C2CD5: variants seen among roughly 807,000 people sequenced by gnomAD.
C2CD5 encodes the protein C2 calcium dependent domain containing 5.
In C2CD5, 109 loss-of-function variants were observed where a neutral mutation model predicts 130.3. That is an observed-to-expected ratio of 0.84 (90% CI 0.72 to 0.98). C2CD5 has a LOEUF of 0.98. Ranked by LOEUF, C2CD5 falls within the 50% of genes least tolerant of loss-of-function variation. C2CD5 has a pLI of 0.00. For missense variants in C2CD5, 996 were observed against 1,261.8 expected (o/e 0.79, Z 3.19); for synonymous variants, 454 against 429.2 (o/e 1.06, Z -0.71).
chr12:22,464,617 G>A (rs1941747242), intron 22 of C2CD5, among the ~76,000 whole-genome samples: 1 of 151,946 alleles, frequency 6.6e-6, no homozygotes, highest in African/African-American at 2.4e-5. Context: ...GTTAGTTTCT[G>A]TTTTTTGCAT....
chr12:22,530,910 T>C (rs1181807982), intron 3 of C2CD5, among the ~76,000 whole-genome samples: 2 of 152,182 alleles, frequency 1.3e-5, no homozygotes, highest in African/African-American at 4.8e-5. Flanking sequence ...TGAAATATCA[T>C]TTTTTAATAT....
intron 7 of C2CD5, chr12:22,519,215 G>A: frequency 6.5e-7 from 1 of 1,535,836 alleles, no homozygotes; most frequent in Non-Finnish European, 8.7e-7. Flanking sequence ...GGCATCCATG[G>A]CTTGGAGGAT....
intron 10 of C2CD5, among the ~76,000 whole-genome samples, chr12:22,498,108 T>A (rs952348388): frequency 2.0e-5 from 3 of 152,124 alleles, no homozygotes; most frequent in Non-Finnish European, 4.4e-5. Context: ...ACTTTAGGTA[T>A]AGTTTGCACA....
chr12:22,506,573 A>G, intron 10 of C2CD5, 138 bp downstream of exon 10: 1 of 568,556 alleles, frequency 1.8e-6, no homozygotes. Context: ...GACTACAAAT[A>G]TATTAAAGTA....
At chr12:22,499,961 A>G (rs1191969377) in intron 10 of C2CD5, among the ~76,000 whole-genome samples, 2 of 152,186 alleles carry the variant, frequency 1.3e-5, no homozygotes, top group Admixed American at 6.5e-5. Context: ...GCTGAGGCAG[A>G]TGGATCCCTT....
intron 2 of C2CD5, among the ~76,000 whole-genome samples, chr12:22,537,329 C>A (rs1309226927): frequency 4.6e-5 from 7 of 152,162 alleles, no homozygotes; most frequent in Admixed American, 2.0e-4. Context: ...GCAAGAGGAG[C>A]TTGAAGCCAG....
At chr12:22,505,350 C>T (rs549097623) in intron 10 of C2CD5, among the ~76,000 whole-genome samples, 5 of 150,822 alleles carry the variant, frequency 3.3e-5, no homozygotes, top group South Asian at 2.1e-4. Flanking sequence ...CTCCACCTCC[C>T]GGGTTCAAGC....
intron 3 of C2CD5, among the ~76,000 whole-genome samples, chr12:22,533,671 G>A (rs1049958952): frequency 5.3e-5 from 8 of 152,198 alleles, no homozygotes; most frequent in Non-Finnish European, 1.0e-4. Context: ...CTCAAGGAAG[G>A]AAGCACAAGT....
chr12:22,484,650 ATC>A (rs1233731792), intron 13 of C2CD5, 45 bp downstream of exon 13: 1 of 1,066,712 alleles, frequency 9.4e-7, no homozygotes, highest in South Asian at 2.0e-5. Flanking sequence ...ACGGCTCCCT[ATC>A]TCATACTTTT....
chr12:22,540,105 T>C (rs912181018), intron 2 of C2CD5, among the ~76,000 whole-genome samples: 1 of 152,086 alleles, frequency 6.6e-6, no homozygotes, highest in Non-Finnish European at 1.5e-5. Context: ...ACAACCATCA[T>C]GTAAATCAAG....
At chr12:22,516,126 T>C (rs1223737803) in intron 8 of C2CD5, among the ~76,000 whole-genome samples, 1 of 151,454 alleles carries the variant, frequency 6.6e-6, no homozygotes, top group Admixed American at 6.6e-5. Flanking sequence ...TAAATTATAA[T>C]CAGCTTATCT....
chr12:22,497,943 AT>A lies in C2CD5; in HGVS notation c.1148-4607del, dbSNP rs1947264883. 1.0e-4 allele frequency among the ~76,000 whole-genome samples: 12 copies of A among 120,252 alleles called. No individual in the cohort carries two copies. In the South Asian group the frequency reaches 3.4e-3, roughly 34 times the overall value. The allele number at this position is 120,252 out of a possible 152,430, so 78.9% of individuals were successfully genotyped here. A position where few individuals can be genotyped will look rare whatever the true frequency, so the allele number is the denominator to read the frequency against. ...ACACACACACACACACACACACACA[AT>A]GTAACTGGATTTTCATTACTCTAAA... On this transcript the variant is annotated intron_variant, in intron 10 of 26. Transcript: ENST00000446597.
intron 2 of C2CD5, among the ~76,000 whole-genome samples, chr12:22,542,582 CCTT>C (rs1411417475): frequency 6.6e-6 from 1 of 152,198 alleles, no homozygotes; most frequent in Non-Finnish European, 1.5e-5. Flanking sequence ...TCCTGGGTGT[CCTT>C]CAAGGCCCAC....
intron 12 of C2CD5, 127 bp downstream of exon 12, chr12:22,489,996 G>C (rs973493206): frequency 3.3e-6 from 2 of 601,876 alleles, no homozygotes; most frequent in Admixed American, 5.9e-5. Context: ...TGAAGTGCTT[G>C]GTCCTGATTT....
chr12:22,530,437 T>C (rs532756020), intron 3 of C2CD5, among the ~76,000 whole-genome samples: 62 of 151,678 alleles, frequency 4.1e-4, no homozygotes, highest in South Asian at 2.7e-3. Context: ...TCGGGAAGAC[T>C]AGTCAAAACA....
chr12:22,478,661 C>T (rs1404127397), intron 14 of C2CD5, among the ~76,000 whole-genome samples, 184 bp from the exon 15 acceptor site: 3 of 152,074 alleles, frequency 2.0e-5, no homozygotes, highest in Non-Finnish European at 4.4e-5. Context: ...GCCTGGCCAA[C>T]AAGGTGAAAC....
intron 17 of C2CD5, 198 bp from the exon 18 acceptor site, chr12:22,472,545 G>C (rs1356442187): frequency 4.8e-6 from 3 of 620,706 alleles, no homozygotes; most frequent in Non-Finnish European, 8.6e-6. Context: ...AATATAAAAG[G>C]ACTAAAAATC....
intron 1 of C2CD5, 35 bp from the exon 2 acceptor site, chr12:22,544,214 C>CA (rs935895735): frequency 1.3e-6 from 2 of 1,535,728 alleles, no homozygotes; most frequent in African/African-American, 2.8e-5. Flanking sequence ...GCGCCGAGCG[C>CA]GGGGCCGGCG....
At chr12:22,525,273 G>T (rs1295037813) in intron 5 of C2CD5, among the ~76,000 whole-genome samples, 2 of 152,114 alleles carry the variant, frequency 1.3e-5, no homozygotes, top group Non-Finnish European at 2.9e-5. Context: ...TATATTTCAT[G>T]GAGTTCCCTA....
Sources: gnomAD v4.1 joint callset for allele counts (sites outside exome capture counted in the v4.1 genomes callset) on GRCh38, gnomAD v4.1.1 for gene constraint, MANE v1.5 for transcripts, NCBI Gene and HGNC (gene_info 2026-07-23, HGNC 2026-07-21) for gene names.